Variants in NCAPD2 observed in about 807,000 individuals in gnomAD.
NCAPD2 encodes the protein condensin complex subunit 1.
A neutral mutation model predicts 164.5 loss-of-function variants in NCAPD2; 100 were observed. That is an observed-to-expected ratio of 0.61 (90% CI 0.52 to 0.72). The LOEUF (loss-of-function observed/expected upper bound fraction) is 0.72, where lower values mean the gene tolerates loss of function less well. NCAPD2 is among the 30% of genes least tolerant of loss of function. The pLI, the probability that NCAPD2 is intolerant of heterozygous loss-of-function variation, is 0.00. For missense variants in NCAPD2, 1,560 were observed against 1,749.2 expected (o/e 0.89, Z 1.93); for synonymous variants, 585 against 642.6 (o/e 0.91, Z 1.36).
chr12:6,515,096 T>C (rs981846965), intron 9 of NCAPD2, among the ~76,000 whole-genome samples, 176 bp downstream of exon 9: 1 of 152,248 alleles, frequency 6.6e-6, no homozygotes, highest in African/African-American at 2.4e-5. Context: ...AGCTCTTTAT[T>C]AATCTGTTAA....
rs534048180 is a variant in NCAPD2, at chr12:6,496,323, G to A, written c.127+1098G>A. Among the ~76,000 whole-genome samples the A allele has an allele frequency of 1.2e-3, 179 of 152,294 alleles. 1 individual carries two copies. Among genetic ancestry groups the A allele is most frequent in the African/African-American group, 4.0e-3 (167 of 41,570 alleles). ...GATCCACCCACCTTGGCCTCCCAAA[G>A]TGTTAGGATTATAGGCGTGAGCCAC... On this transcript the variant is annotated intron_variant, in intron 2 of 31. Coordinates refer to ENST00000315579, the MANE Select transcript of NCAPD2 (RefSeq NM_014865.4).
chr12:6,531,633 C>T lies in NCAPD2; in HGVS notation c.*221C>T, dbSNP rs1247549163. ...CCAGCCTGACCAACATGGAGAAACC[C>T]CATCTCTACTAAAAATAAAAAATTA... On this transcript the variant is annotated 3_prime_UTR_variant, in exon 32 of 32. Coordinates refer to ENST00000315579, the MANE Select transcript of NCAPD2 (RefSeq NM_014865.4). This position sits in a 1 kb window ranked among gnomAD's most constrained non-coding sequence, Gnocchi z 4.1. 2.6e-6 allele frequency: 2 copies of T among 776,418 alleles called. No individual in the cohort carries two copies. Among genetic ancestry groups the T allele is most frequent in the East Asian group, 3.3e-5 (1 of 30,490 alleles). 48.1% of individuals were successfully genotyped at this position (776,418 alleles called of 1,614,324 possible).
intron 18 of NCAPD2, among the ~76,000 whole-genome samples, 158 bp downstream of exon 18, chr12:6,525,874 G>A (rs940636263): frequency 6.6e-6 from 1 of 152,236 alleles, no homozygotes; most frequent in African/African-American, 2.4e-5. Context: ...GAGAGGACCA[G>A]CCCTCCTGCC....
intron 13 of NCAPD2, among the ~76,000 whole-genome samples, chr12:6,519,179 C>T (rs1014410365): frequency 9.2e-5 from 14 of 152,154 alleles, no homozygotes; most frequent in Non-Finnish European, 1.6e-4. Context: ...CTTGAGCCAC[C>T]GTGCCCGGCT....
rs776858241 is a variant in NCAPD2 at position 6,517,806 on chromosome 12, G to C, written c.1436G>C (p.Trp479Ser). Residue 479 changes from tryptophan to serine, a missense_variant, in exon 13 of 32, where the codon TGG (tryptophan) becomes TCG (serine). Transcript: ENST00000315579. The part of the protein sequence containing the change: ...ASAVLDPEEE[W>S]EAMLPELKST... The stretch of plus-strand genomic sequence containing the variant: ...GCAGTGCTGGACCCAGAGGAGGAGT[G>C]GGAAGCCATGCTGCCAGAGTTGAAG... The C allele has an allele frequency of 6.2e-7, 1 of 1,614,108 alleles. No homozygotes were observed. Among genetic ancestry groups the C allele is most frequent in the East Asian group, 2.2e-5 (1 of 44,884 alleles).
At chr12:6,524,588 G>A (rs1322485527) in intron 17 of NCAPD2, among the ~76,000 whole-genome samples, 1 of 146,140 alleles carries the variant, frequency 6.8e-6, no homozygotes, top group Non-Finnish European at 1.5e-5. Context: ...GGTGGAGGTA[G>A]CAGTGAGCCG....
chr12:6,528,897 A>G lies in NCAPD2; in HGVS notation c.3477+41A>G. On this transcript the variant is annotated intron_variant, in intron 26 of 31. Coordinates refer to ENST00000315579, the MANE Select transcript of NCAPD2 (RefSeq NM_014865.4). The surrounding 1 kb of genome is among the most constrained non-coding windows in gnomAD (Gnocchi z 5.1). ...GCACTGAGGGCTGGCTGCAGAGGGA[A>G]TCTGTAGGTCACCTCATCTCCTTAA... is the stretch of plus-strand genomic sequence containing the variant. The G allele has an allele frequency of 6.2e-7, 1 of 1,613,426 alleles. No individual in the cohort carries two copies. Among genetic ancestry groups the G allele is most frequent in the Non-Finnish European group, 8.5e-7 (1 of 1,179,396 alleles).
chr12:6,514,327 G>A lies in NCAPD2; in HGVS notation c.650G>A (p.Arg217His), dbSNP rs757733418. Reference sequence around the variant, plus strand: ...CCCACCATTAATCACCAGAAGAACCGCCCCACTCGGGAAGCCATAACACAC... The same window carrying A: ...CCCACCATTAATCACCAGAAGAACCACCCCACTCGGGAAGCCATAACACAC... ...ENPTINHQKN[R>H]PTREAITHLL... The change falls in exon 7 of 32, where the codon CGC (arginine) becomes CAC (histidine). Residue 217 changes from arginine (R) to histidine (H), a missense_variant. Physicochemically the swap from Arg to His is conservative, Grantham distance 29. Coordinates refer to ENST00000315579, the MANE Select transcript of NCAPD2 (RefSeq NM_014865.4). The A allele has an allele frequency of 2.1e-5, 34 of 1,613,968 alleles. No homozygotes were observed. Among genetic ancestry groups the A allele is most frequent in the African/African-American group, 1.3e-4 (10 of 74,896 alleles).
intron 15 of NCAPD2, among the ~76,000 whole-genome samples, chr12:6,522,519 AG>A (rs1181086134): frequency 2.6e-5 from 4 of 151,866 alleles, no homozygotes; most frequent in African/African-American, 9.7e-5. Flanking sequence ...CGGGAGTTTG[AG>A]GCTACAGTGA....
Position 6,529,008 on chromosome 12 carries a change from G to A in NCAPD2, c.3541G>A (p.Val1181Met), listed in dbSNP as rs765293144. The change falls in exon 27 of 32, where the codon GTG becomes ATG. Residue 1181 changes from valine (V) to methionine (M), a missense_variant. Transcript: ENST00000315579. ...ISRLSDPELGVEEEPFHTIMK... is the reference protein window; with the variant it reads ...ISRLSDPELGMEEEPFHTIMK... ...CCGCCTGTCAGACCCCGAGCTGGGG[G>A]TGGAGGAAGAGCCTTTCCACACCAT... 1.2e-6 allele frequency: 2 copies of A among 1,613,046 alleles called. No homozygotes were observed. The highest frequency in any genetic ancestry group is 1.3e-5 in the African/African-American group (1 of 74,878).
At chr12:6,517,291 A>G in intron 10 of NCAPD2, 74 bp from the exon 11 acceptor site, 1 of 1,570,352 alleles carries the variant, frequency 6.4e-7, no homozygotes, top group South Asian at 1.2e-5. Flanking sequence ...AGTTTAGAGT[A>G]TACTTAAAGA....
Position 6,514,408 on chromosome 12 carries a change from C to A in NCAPD2, c.715+16C>A, listed in dbSNP as rs751871422. ...CATATGCTCAGTAAGTTACCAGTCG[C>A]TTTGCCCCGCCTTTTTTGTATTGCC... On this transcript the variant is annotated intron_variant, in intron 7 of 31. Transcript: ENST00000315579. 2.5e-5 allele frequency: 40 copies of A among 1,614,100 alleles called. No homozygotes were observed. Among genetic ancestry groups the A allele is most frequent in the Non-Finnish European group, 3.4e-5 (40 of 1,180,050 alleles).
intron 6 of NCAPD2, among the ~76,000 whole-genome samples, chr12:6,512,562 G>A (rs909708097): frequency 3.3e-5 from 5 of 152,248 alleles, no homozygotes; most frequent in Non-Finnish European, 7.3e-5. Flanking sequence ...GGCCATGGGA[G>A]CAGTGGGGAG....
intron 14 of NCAPD2, 45 bp downstream of exon 14, chr12:6,521,155 G>C: frequency 6.2e-7 from 1 of 1,604,546 alleles, no homozygotes; most frequent in South Asian, 1.1e-5. Flanking sequence ...CATGTCAACT[G>C]GTATTTACTG....
intron 28 of NCAPD2, 51 bp from the exon 29 acceptor site, chr12:6,529,724 C>A (rs1421086630): frequency 1.2e-6 from 2 of 1,601,562 alleles, no homozygotes; most frequent in Admixed American, 1.7e-5. Context: ...GAAGGTTGAG[C>A]CTTTACTAGC....
At chr12:6,521,309 T>C (rs1479853741) in intron 14 of NCAPD2, among the ~76,000 whole-genome samples, 199 bp downstream of exon 14, 3 of 152,216 alleles carry the variant, frequency 2.0e-5, no homozygotes, top group African/African-American at 4.8e-5. Flanking sequence ...GTCCAGACCA[T>C]AGCGGTCTTT....
rs371605695 is a variant in NCAPD2, at chr12:6,495,163, G to T, written c.65G>T (p.Gly22Val). 5 of 1,613,970 alleles carry T rather than the reference G, an allele frequency of 3.1e-6. No individual in the cohort carries two copies. Among genetic ancestry groups the T allele is most frequent in the Non-Finnish European group, 4.2e-6 (5 of 1,180,034 alleles). ...CCAGAGGAGTTGTTGAAAAGTGGAG[G>T]GGTGAATCAGTATGTTGTGCAAGAG... ...LSPEELLKSG[G>V]VNQYVVQEVL... is the part of the protein sequence containing the mutation. The change falls in exon 2 of 32, where the codon GGG becomes GTG. Residue 22 changes from glycine to valine, a missense_variant. Transcript: ENST00000315579.
Position 6,528,881 on chromosome 12 carries a change from GC to G in NCAPD2, c.3477+26del, listed in dbSNP as rs1299788698. 1 of 1,612,978 alleles carries G rather than the reference GC, an allele frequency of 6.2e-7. No homozygotes were observed. The highest frequency in any genetic ancestry group is 1.7e-5 in the Admixed American group (1 of 60,020). On this transcript the variant is annotated intron_variant, in intron 26 of 31. Coordinates refer to ENST00000315579, the MANE Select transcript of NCAPD2 (RefSeq NM_014865.4). This position sits in a 1 kb window ranked among gnomAD's most constrained non-coding sequence, Gnocchi z 5.1. ...GGTGAGAGGCAGAGAGGCACTGAGG[GC>G]TGGCTGCAGAGGGAATCTGTAGGTC...
intron 18 of NCAPD2, among the ~76,000 whole-genome samples, 156 bp from the exon 19 acceptor site, chr12:6,525,912 C>T (rs1946312774): frequency 6.6e-6 from 1 of 152,204 alleles, no homozygotes; most frequent in Non-Finnish European, 1.5e-5. Flanking sequence ...AGTAAAGCAA[C>T]AGGACCCAAG....
Sources: allele counts gnomAD v4.1 joint callset (sites outside exome capture counted in the v4.1 genomes callset), GRCh38; gene constraint gnomAD v4.1.1; non-coding constraint Gnocchi (gnomAD v3.1); transcripts MANE v1.5; gene names NCBI Gene and HGNC (gene_info 2026-07-23, HGNC 2026-07-21).